The following DIAPH2 variants were observed in gnomAD, a reference collection of about 807,000 sequenced individuals.
DIAPH2 encodes the protein protein diaphanous homolog 2.
DIAPH2 carries 35 observed loss-of-function variants against 92.7 expected under a neutral mutation model. The observed-to-expected ratio is 0.38, with a 90% confidence interval of 0.29 to 0.50. The LOEUF (loss-of-function observed/expected upper bound fraction) is 0.50. Among genes scored for constraint, DIAPH2 ranks in the 20% least tolerant of loss-of-function variants. The probability of loss-of-function intolerance (pLI) is 0.94; values close to 1 mark genes in which losing one functional copy is unlikely to be tolerated. For synonymous variants in DIAPH2, 301 were observed against 280.4 expected (o/e 1.07, Z -0.73); for missense variants, 701 against 819.5 (o/e 0.86, Z 1.77).
chrX:97,427,145 T>C (rs904133449), intron 25 of DIAPH2, among the ~76,000 whole-genome samples: 2 of 108,707 alleles, frequency 1.8e-5, no homozygotes, highest in Middle Eastern at 4.3e-3. Context: ...GCCACTGCAC[T>C]CCTGCCTGTT....
intron 4 of DIAPH2, among the ~76,000 whole-genome samples, chrX:96,867,847 A>G (rs1402281306): frequency 8.9e-6 from 1 of 111,845 alleles, no homozygotes; most frequent in Non-Finnish European, 1.9e-5. Flanking sequence ...TTGATTTCAA[A>G]TATGTCAGTG....
At chrX:97,525,359 A>G (rs892586626) in intron 26 of DIAPH2, among the ~76,000 whole-genome samples, 1 of 111,769 alleles carries the variant, frequency 8.9e-6, no homozygotes, top group Non-Finnish European at 1.9e-5. Context: ...TGTTCTTTTC[A>G]TTGGATGAAC....
intron 25 of DIAPH2, among the ~76,000 whole-genome samples, chrX:97,412,938 A>G (rs950748633): frequency 8.9e-6 from 1 of 112,028 alleles, no homozygotes; most frequent in Non-Finnish European, 1.9e-5. Flanking sequence ...GAAAAAGTCC[A>G]GGACCAGACG....
chrX:97,208,404 G>C (rs888630547), intron 22 of DIAPH2, among the ~76,000 whole-genome samples: 2 of 112,082 alleles, frequency 1.8e-5, no homozygotes, highest in African/African-American at 6.5e-5. Flanking sequence ...GAGTCAACCA[G>C]TTCTGCAATT....
intron 22 of DIAPH2, among the ~76,000 whole-genome samples, chrX:97,217,237 G>C (rs1424016729): frequency 9.0e-6 from 1 of 111,616 alleles, no homozygotes; most frequent in Non-Finnish European, 1.9e-5. Flanking sequence ...AAAACTATGG[G>C]ACTGTTGCGT....
At chrX:96,905,589 T>G (rs1287543104) in intron 5 of DIAPH2, among the ~76,000 whole-genome samples, 1 of 111,772 alleles carries the variant, frequency 8.9e-6, no homozygotes, top group Non-Finnish European at 1.9e-5. Flanking sequence ...TTTCTTTCCT[T>G]TGATCATGCT....
At chrX:97,369,585 T>C (rs967029771) in intron 24 of DIAPH2, among the ~76,000 whole-genome samples, 2 of 81,675 alleles carry the variant, frequency 2.4e-5, no homozygotes, top group Non-Finnish European at 5.6e-5. Context: ...TTTGATGTTT[T>C]ATATATATAT....
At chrX:97,438,261 T>G (rs908041609) in intron 26 of DIAPH2, among the ~76,000 whole-genome samples, 1 of 108,813 alleles carries the variant, frequency 9.2e-6, no homozygotes, top group African/African-American at 3.3e-5. Context: ...ACCAATGGGT[T>G]TTTCAACTAG....
chrX:97,388,942 A>G (rs966952861), intron 25 of DIAPH2, among the ~76,000 whole-genome samples: 2 of 111,898 alleles, frequency 1.8e-5, no homozygotes, highest in Non-Finnish European at 3.8e-5. Flanking sequence ...CTTGATTCTC[A>G]TACCTACTTT....
intron 26 of DIAPH2, among the ~76,000 whole-genome samples, chrX:97,583,481 T>C (rs1179730716): frequency 7.3e-4 from 82 of 111,933 alleles, no homozygotes; most frequent in African/African-American, 2.5e-3. Flanking sequence ...CCAGTTAGGC[T>C]GCTCGGGGGT....
At chrX:97,212,917 C>T (rs947426910) in intron 22 of DIAPH2, among the ~76,000 whole-genome samples, 1 of 111,357 alleles carries the variant, frequency 9.0e-6, no homozygotes, top group African/African-American at 3.3e-5. Context: ...TGTAAGAAGT[C>T]ATTGGTTAAA....
Position 97,036,265 on chromosome X carries a change from CAATT to C in DIAPH2, c.2051-36672_2051-36669del, listed in dbSNP as rs761132043. ...TGTGGCTATATTTATGTAAAATACA[CAATT>C]AATATTAATATTTTATTATTTCGTA... is the stretch of plus-strand genomic sequence containing the variant. On this transcript the variant is annotated intron_variant, in intron 17 of 26. Transcript: ENST00000324765. Among the ~76,000 whole-genome samples the C allele has an allele frequency of 2.1e-4, 24 of 111,761 alleles. 1 individual carries two copies. The East Asian group carries it at 5.9e-3, about 27-fold the overall frequency.
At chrX:96,890,657 A>C (rs1007732530) in intron 5 of DIAPH2, among the ~76,000 whole-genome samples, 7 of 111,578 alleles carry the variant, frequency 6.3e-5, no homozygotes, top group Admixed American at 9.6e-5. Flanking sequence ...ACACACACAC[A>C]TACGTATACA....
In DIAPH2 at chrX:97,040,625, T is replaced by C. The variant is rs191305043; in HGVS notation, c.2051-32316T>C. 1.2e-3 allele frequency among the ~76,000 whole-genome samples: 128 copies of C among 111,113 alleles called. 1 individual carries two copies. Among genetic ancestry groups the C allele is most frequent in the African/African-American group, 4.0e-3 (123 of 30,714 alleles). ...AAATCAAAATAATAAATAATGCATA[T>C]GGTGTTCATTGTTTTTCTCCTCTGT... On this transcript the variant is annotated intron_variant, in intron 17 of 26. Coordinates refer to ENST00000324765, the MANE Select transcript of DIAPH2 (RefSeq NM_006729.5).
At chrX:97,082,660 AAAC>A (rs949759366) in intron 19 of DIAPH2, among the ~76,000 whole-genome samples, 8 of 110,771 alleles carry the variant, frequency 7.2e-5, no homozygotes, top group African/African-American at 2.6e-4. Context: ...AAACAAACAA[AAAC>A]AAGTGTAAAA....
chrX:97,188,900 C>G (rs1452705373), intron 22 of DIAPH2, among the ~76,000 whole-genome samples: 2 of 112,231 alleles, frequency 1.8e-5, no homozygotes, highest in Non-Finnish European at 3.8e-5. Context: ...GCTTTTGCAT[C>G]TCACATTTCT....
chrX:97,182,356 A>G (rs771733585), intron 22 of DIAPH2, among the ~76,000 whole-genome samples: 1 of 111,918 alleles, frequency 8.9e-6, no homozygotes, highest in African/African-American at 3.2e-5. Context: ...GAAGTTTGAG[A>G]CTATATCATA....
intron 4 of DIAPH2, among the ~76,000 whole-genome samples, chrX:96,842,859 A>AT (rs780509944): frequency 1.3e-4 from 15 of 111,788 alleles, no homozygotes; most frequent in Non-Finnish European, 2.8e-4. Context: ...CAAAATGGGT[A>AT]TTAAGGTGCA....
chrX:96,771,828 G>T (rs2147614843), intron 4 of DIAPH2, among the ~76,000 whole-genome samples: 1 of 111,008 alleles, frequency 9.0e-6, no homozygotes, highest in African/African-American at 3.3e-5. Flanking sequence ...CTTGAGCCCA[G>T]GAGTTCAAGA....
Sources: allele counts gnomAD v4.1 joint callset (sites outside exome capture counted in the v4.1 genomes callset), GRCh38; gene constraint gnomAD v4.1.1; transcripts MANE v1.5; gene names NCBI Gene and HGNC (gene_info 2026-07-23, HGNC 2026-07-21).